ARHGEF4: variants seen among roughly 807,000 people sequenced by gnomAD.
ARHGEF4 encodes APC-stimulated guanine nucleotide exchange factor 1.
Under a neutral mutation model 162.0 loss-of-function variants are expected in ARHGEF4, and 119 were observed. The observed-to-expected ratio is 0.73, with a 90% CI of 0.63 to 0.86. The LOEUF (loss-of-function observed/expected upper bound fraction) is 0.86, where lower values mean the gene tolerates loss of function less well. ARHGEF4 is among the 40% of genes least tolerant of loss of function. ARHGEF4 has a pLI of 0.00. For synonymous variants in ARHGEF4, 1,014 were observed against 979.9 expected, an observed-to-expected ratio of 1.03 and a Z score of -0.65; for missense variants, 2,488 against 2,456.0, an observed-to-expected ratio of 1.01 and a Z score of -0.28.
chr2:130,913,269 G>A (rs1308305612), intron 1 of ARHGEF4, among the ~76,000 whole-genome samples: 1 of 152,286 alleles, frequency 6.6e-6, no homozygotes, highest in South Asian at 2.1e-4. Context: ...AAACAGTCTA[G>A]ATTTTTATCA....
chr2:130,868,242 T>C (rs1371963567), intron 1 of ARHGEF4, among the ~76,000 whole-genome samples: 3 of 152,126 alleles, frequency 2.0e-5, no homozygotes, highest in African/African-American at 7.2e-5. Context: ...GATGTGCTTT[T>C]ACTGCATCTG....
chr2:130,985,201 C>A (rs1287935800), intron 4 of ARHGEF4, among the ~76,000 whole-genome samples: 1 of 152,146 alleles, frequency 6.6e-6, no homozygotes, highest in Non-Finnish European at 1.5e-5. Context: ...CCAGCTAAGG[C>A]AAAGCCAAAG....
Position 130,968,060 on chromosome 2 carries a change from C to T in ARHGEF4, c.3985+21425C>T, listed in dbSNP as rs570937836. 2.6e-5 allele frequency among the ~76,000 whole-genome samples: 4 copies of T among 152,316 alleles called. No homozygotes were observed. The South Asian group carries it at 8.3e-4, about 32-fold the overall frequency. ...CTGACCTTAGTTGCTCAGTCTCTAGCCCCTCCAAAGGTCAGACTAATACAG... is the reference window on the plus strand; with the variant it reads ...CTGACCTTAGTTGCTCAGTCTCTAGTCCCTCCAAAGGTCAGACTAATACAG... On this transcript the variant is annotated intron_variant, in intron 4 of 13. Coordinates refer to ENST00000409359, the MANE Select transcript of ARHGEF4 (RefSeq NM_001367493.1).
In ARHGEF4 at chr2:130,867,857, C is replaced by T. The variant is rs563114468; in HGVS notation, c.39+30865C>T. ...TTCCTCTGCAGAGTCCTCAGGCAGC[C>T]GCCCCCTGCGCCATGTTTTGGCTTC... On this transcript the variant is annotated intron_variant, in intron 1 of 13. Coordinates refer to ENST00000409359, the MANE Select transcript of ARHGEF4 (RefSeq NM_001367493.1). Among the ~76,000 whole-genome samples, 108 of 152,120 alleles carry T rather than the reference C, an allele frequency of 7.1e-4. 1 individual carries two copies. The highest frequency in any genetic ancestry group is 2.3e-3 in the African/African-American group (96 of 41,510).
intron 1 of ARHGEF4, among the ~76,000 whole-genome samples, chr2:130,865,087 C>A (rs1682176289): frequency 2.0e-5 from 3 of 152,164 alleles, no homozygotes; most frequent in South Asian, 4.1e-4. Flanking sequence ...GCTACGTAAG[C>A]AAGGATTTGA....
chr2:130,840,034 G>A (rs2104848200), intron 1 of ARHGEF4, among the ~76,000 whole-genome samples: 1 of 152,266 alleles, frequency 6.6e-6, no homozygotes, highest in Middle Eastern at 3.4e-3. Flanking sequence ...GTGAAGGTGG[G>A]ATGCTGTGCC....
rs142215882 is a variant in ARHGEF4, at chr2:130,855,024, C to T, written c.39+18032C>T. Among the ~76,000 whole-genome samples, 547 of 150,966 alleles carry T rather than the reference C, an allele frequency of 3.6e-3. 3 individuals are homozygous for T. The highest frequency in any genetic ancestry group is 6.8e-3 in the Middle Eastern group (2 of 294). On this transcript the variant is annotated intron_variant, in intron 1 of 13. Transcript: ENST00000409359. ...GAGTAGCTGGGACAACAGGCGCCCG[C>T]GACCACGCCCGGCAAATTTTTTTTT...
chr2:130,867,739 C>G (rs1471200804), intron 1 of ARHGEF4, among the ~76,000 whole-genome samples: 1 of 151,988 alleles, frequency 6.6e-6, no homozygotes, highest in Admixed American at 6.6e-5. Context: ...CCCTCATGCC[C>G]ACTTCCAGAT....
rs544441607 is a variant in ARHGEF4, at chr2:131,027,764, T to A, written c.3986-181T>A. 3.3e-5 allele frequency among the ~76,000 whole-genome samples: 5 copies of A among 152,238 alleles called. No individual in the cohort carries two copies. The East Asian group carries it at 7.7e-4, about 23-fold the overall frequency. On this transcript the variant is annotated intron_variant, in intron 4 of 13. Coordinates refer to ENST00000409359, the MANE Select transcript of ARHGEF4 (RefSeq NM_001367493.1). ...GTGGTGGTGTGAGTGAGTTGGTGCATTCTTTCACCCAGGCCACATGTTTGT... is the reference window on the plus strand; with the variant it reads ...GTGGTGGTGTGAGTGAGTTGGTGCAATCTTTCACCCAGGCCACATGTTTGT...
intron 1 of ARHGEF4, among the ~76,000 whole-genome samples, chr2:130,870,618 C>T (rs764503050): frequency 7.2e-5 from 11 of 152,178 alleles, no homozygotes; most frequent in Non-Finnish European, 1.5e-4. Flanking sequence ...CAGTTACCAA[C>T]AGTCAGGGAT....
At chr2:131,039,314 C>T (rs1400582181) in intron 6 of ARHGEF4, 2 of 1,235,526 alleles carry the variant, frequency 1.6e-6, no homozygotes, top group Non-Finnish European at 2.0e-6. Context: ...ACTCCAGGCG[C>T]TAGACATTTC....
In ARHGEF4 at chr2:130,957,206, CT is replaced by C. The variant is rs1374485741; in HGVS notation, c.3985+10573del. Among the ~76,000 whole-genome samples the C allele has an allele frequency of 2.7e-5, 4 of 150,700 alleles. No homozygotes were observed. In the East Asian group the frequency reaches 7.8e-4, roughly 29 times the overall value. ...TAAAAAGACTAATTCTTCACAAACT[CT>C]TCCAAAAAGTAGAAGAGGAGGGAAC... On this transcript the variant is annotated intron_variant, in intron 4 of 13. Coordinates refer to ENST00000409359, the MANE Select transcript of ARHGEF4 (RefSeq NM_001367493.1).
intron 4 of ARHGEF4, among the ~76,000 whole-genome samples, chr2:130,973,898 G>A (rs1038132509): frequency 1.3e-5 from 2 of 152,166 alleles, no homozygotes; most frequent in Admixed American, 1.3e-4. Flanking sequence ...TTATCATTTA[G>A]TGTTTGATTT....
At chr2:131,011,937 G>A (rs1464970660) in intron 4 of ARHGEF4, 1 of 701,250 alleles carries the variant, frequency 1.4e-6, no homozygotes, top group Non-Finnish European at 2.6e-6. Context: ...AAAAATGGTT[G>A]GATTCTGGAT....
intron 1 of ARHGEF4, among the ~76,000 whole-genome samples, chr2:130,872,368 G>C (rs1052092002): frequency 1.3e-5 from 2 of 152,084 alleles, no homozygotes; most frequent in Non-Finnish European, 2.9e-5. Context: ...GCAGATGAAC[G>C]TTTGAAATTG....
At chr2:130,971,385 G>C (rs191685595) in intron 4 of ARHGEF4, among the ~76,000 whole-genome samples, 3 of 152,108 alleles carry the variant, frequency 2.0e-5, no homozygotes, top group Non-Finnish European at 2.9e-5. Flanking sequence ...TATCAGTTAG[G>C]TGCAGTGGCT....
intron 2 of ARHGEF4, chr2:130,929,735 A>T: frequency 5.1e-6 from 1 of 196,842 alleles, no homozygotes; most frequent in Non-Finnish European, 1.1e-5. Flanking sequence ...AATTATAGCA[A>T]AAACAGTCTC....
At position 131,045,364 on chromosome 2, in the gene ARHGEF4, C is replaced by T. The variant is rs898857575; in HGVS notation, c.5402-5C>T. 1 of 1,612,292 alleles carries T rather than the reference C, an allele frequency of 6.2e-7. No homozygotes were observed. Among genetic ancestry groups the T allele is most frequent in the Non-Finnish European group, 8.5e-7 (1 of 1,179,382 alleles). On this transcript the variant is annotated splice_region_variant and splice_polypyrimidine_tract_variant and intron_variant, in intron 12 of 13. Coordinates refer to ENST00000409359, the MANE Select transcript of ARHGEF4 (RefSeq NM_001367493.1). ...GCAGCGCCCTCACCTGTGCCCCTTC[C>T]TCAGGCTTCTCCATCACTGAACTGC...
At chr2:130,868,616 G>T (rs1682467938) in intron 1 of ARHGEF4, among the ~76,000 whole-genome samples, 1 of 152,172 alleles carries the variant, frequency 6.6e-6, no homozygotes, top group Non-Finnish European at 1.5e-5. Flanking sequence ...ATCAGGGAGA[G>T]GCCAGGTCAG....
Sources: gnomAD v4.1 joint callset for allele counts (sites outside exome capture counted in the v4.1 genomes callset) on GRCh38, gnomAD v4.1.1 for gene constraint, MANE v1.5 for transcripts, NCBI Gene and HGNC (gene_info 2026-07-23, HGNC 2026-07-21) for gene names.